Variants in SLC24A2 observed in about 807,000 individuals in gnomAD.
SLC24A2 encodes sodium/potassium/calcium exchanger 2.
In SLC24A2, 36 loss-of-function variants were observed where a neutral mutation model predicts 62.0. The observed-to-expected ratio is 0.58, with a 90% CI of 0.44 to 0.77. SLC24A2 has a LOEUF of 0.77. Ranked by LOEUF, SLC24A2 falls within the 30% of genes least tolerant of loss-of-function variation. The pLI is 0.00. For synonymous variants in SLC24A2, 358 were observed against 294.0 expected, an observed-to-expected ratio of 1.22 and a Z score of -2.23; for missense variants, 846 against 817.9, an observed-to-expected ratio of 1.03 and a Z score of -0.42.
chr9:19,877,078 A>G, the SLC24A2 span, among the ~76,000 whole-genome samples: 1 of 151,872 alleles, frequency 6.6e-6, no homozygotes, highest in Non-Finnish European at 1.5e-5. Context: ...TAGGGGACTC[A>G]TGTCTGTGCA....
the SLC24A2 span, among the ~76,000 whole-genome samples, chr9:20,299,064 G>A: frequency 6.6e-6 from 1 of 152,184 alleles, no homozygotes; most frequent in African/African-American, 2.4e-5. Context: ...AGCAGAGAAG[G>A]ACAATTTGAG....
At chr9:20,073,126 A>T in the SLC24A2 span, among the ~76,000 whole-genome samples, 20 of 152,222 alleles carry the variant, frequency 1.3e-4, no homozygotes, top group Non-Finnish European at 2.4e-4. Context: ...TTCAGGCACA[A>T]GTTAGCAGGG....
chr9:19,839,131 C>T, the SLC24A2 span, among the ~76,000 whole-genome samples: 1,543 of 152,222 alleles, frequency 0.01, 21 homozygotes, highest in African/African-American at 0.033. Context: ...CCAAAAAACA[C>T]ATGAAAAAAT....
At chr9:19,696,527 T>G (rs577955492) in intron 2 of SLC24A2, among the ~76,000 whole-genome samples, 2 of 152,318 alleles carry the variant, frequency 1.3e-5, no homozygotes, top group South Asian at 4.2e-4. Context: ...AACTGGGATG[T>G]GTATTCAGAG....
chr9:20,023,731 G>T, the SLC24A2 span, among the ~76,000 whole-genome samples: 1 of 152,174 alleles, frequency 6.6e-6, no homozygotes, highest in Non-Finnish European at 1.5e-5. Flanking sequence ...CAGAATTAGA[G>T]AAGAGTTAGC....
At chr9:20,160,404 G>C in the SLC24A2 span, among the ~76,000 whole-genome samples, 2 of 151,090 alleles carry the variant, frequency 1.3e-5, no homozygotes, top group Non-Finnish European at 3.0e-5. Flanking sequence ...CAAAAAATAA[G>C]TAAGGTTATA....
intron 2 of SLC24A2, among the ~76,000 whole-genome samples, chr9:19,746,214 C>T (rs931117491): frequency 6.6e-6 from 1 of 151,802 alleles, no homozygotes; most frequent in Non-Finnish European, 1.5e-5. Context: ...TTCTCAGTGC[C>T]TACGACAACT....
At chr9:19,926,564 T>G in the SLC24A2 span, 3 of 151,744 alleles carry the variant, frequency 2.0e-5, no homozygotes, top group Middle Eastern at 3.4e-3. Flanking sequence ...CATTGCTGTT[T>G]ATGCAGGTAT....
In SLC24A2 at chr9:19,550,159, G is replaced by C; in HGVS notation, c.1457C>G (p.Thr486Arg). The C allele has an allele frequency of 6.2e-7, 1 of 1,614,028 alleles. No individual in the cohort carries two copies. Among genetic ancestry groups the C allele is most frequent in the East Asian group, 2.2e-5 (1 of 44,880 alleles). The change falls in exon 8 of 11, where the codon ACG becomes AGG. Residue 486 changes from threonine (T) to arginine (R), a missense_variant. Physicochemically the swap from Thr to Arg is moderately conservative, Grantham distance 71 (BLOSUM62 -1). Coordinates refer to ENST00000341998, the MANE Select transcript of SLC24A2 (RefSeq NM_020344.4). Reference sequence around the variant, plus strand: ...TACAGGTTTGCGAACGTCAGGTAACGTAATCCAGAGAGGAAACACTATGGG... The same window carrying C: ...TACAGGTTTGCGAACGTCAGGTAACCTAATCCAGAGAGGAAACACTATGGG... ...VFPIVFPLWI[T>R]LPDVRKPSSR...
chr9:19,782,876 G>C (rs1433085960), intron 2 of SLC24A2, among the ~76,000 whole-genome samples: 2 of 151,976 alleles, frequency 1.3e-5, no homozygotes, highest in Non-Finnish European at 2.9e-5. Flanking sequence ...GAAATCACTG[G>C]GCTTATTACA....
the SLC24A2 span, among the ~76,000 whole-genome samples, chr9:20,121,225 G>C: frequency 6.6e-6 from 1 of 151,096 alleles, no homozygotes; most frequent in African/African-American, 2.4e-5. Context: ...TGGCATGTTA[G>C]CAATATGAAG....
At chr9:19,996,672 G>A in the SLC24A2 span, among the ~76,000 whole-genome samples, 4 of 151,312 alleles carry the variant, frequency 2.6e-5, no homozygotes, top group Non-Finnish European at 5.9e-5. Flanking sequence ...AACCTGGGAG[G>A]TGGAGGTTGC....
At chr9:20,125,454 T>G in the SLC24A2 span, among the ~76,000 whole-genome samples, 1 of 152,184 alleles carries the variant, frequency 6.6e-6, no homozygotes, top group African/African-American at 2.4e-5. Context: ...TTATAGTCAG[T>G]AAATACACTC....
intron 2 of SLC24A2, among the ~76,000 whole-genome samples, chr9:19,664,725 G>C (rs921058470): frequency 2.0e-5 from 3 of 152,176 alleles, no homozygotes; most frequent in African/African-American, 7.2e-5. Flanking sequence ...ATTTGACACA[G>C]AGGACAGACA....
chr9:19,982,500 C>T, the SLC24A2 span, among the ~76,000 whole-genome samples: 1 of 152,064 alleles, frequency 6.6e-6, no homozygotes, highest in Non-Finnish European at 1.5e-5. Context: ...TGGAAAAGCA[C>T]TATGGCTATA....
At chr9:19,519,041 A>G (rs961318123) in intron 10 of SLC24A2, among the ~76,000 whole-genome samples, 2 of 152,198 alleles carry the variant, frequency 1.3e-5, no homozygotes, top group Non-Finnish European at 2.9e-5. Context: ...ATAGCAGAAA[A>G]TTTTTAATAA....
the SLC24A2 span, among the ~76,000 whole-genome samples, chr9:20,004,461 A>C: frequency 6.6e-6 from 1 of 152,224 alleles, no homozygotes; most frequent in Non-Finnish European, 1.5e-5. Flanking sequence ...AGTCCTAACT[A>C]TCTTATCATG....
At chr9:19,555,005 T>C (rs1369073201) in intron 7 of SLC24A2, among the ~76,000 whole-genome samples, 4 of 152,158 alleles carry the variant, frequency 2.6e-5, no homozygotes, top group African/African-American at 7.2e-5. Context: ...AGATATCTTA[T>C]TAATGCAGGT....
intron 10 of SLC24A2, among the ~76,000 whole-genome samples, chr9:19,519,812 A>G (rs1833103599): frequency 6.6e-6 from 1 of 152,202 alleles, no homozygotes; most frequent in African/African-American, 2.4e-5. Context: ...TCAGACAAGC[A>G]TGGAGAGCTC....
Sources: allele counts gnomAD v4.1 joint callset (sites outside exome capture counted in the v4.1 genomes callset), GRCh38; gene constraint gnomAD v4.1.1; transcripts MANE v1.5; gene names NCBI Gene and HGNC (gene_info 2026-07-23, HGNC 2026-07-21).